The following EHMT2 variants were observed in gnomAD, a reference collection of about 807,000 sequenced individuals.
EHMT2 encodes the protein euchromatic histone lysine methyltransferase 2.
EHMT2 carries 59 observed loss-of-function variants against 143.3 expected under a neutral mutation model. The observed-to-expected ratio is 0.41, with a 90% CI of 0.33 to 0.51. The LOEUF is 0.51. Among genes scored for constraint, EHMT2 ranks in the 20% least tolerant of loss-of-function variants. The pLI is 0.18. For synonymous variants in EHMT2, 604 were observed against 651.5 expected, an observed-to-expected ratio of 0.93 and a Z score of 1.11; for missense variants, 1,174 against 1,645.9, an observed-to-expected ratio of 0.71 and a Z score of 4.96.
intron 17 of EHMT2, 31 bp from the exon 18 acceptor site, chr6:31,886,713 G>A (rs775502890): frequency 6.2e-7 from 1 of 1,613,930 alleles, no homozygotes; most frequent in East Asian, 2.2e-5. Context: ...TGAGCCTTTG[G>A]GCTGGCACCC....
rs1404618813 is a variant in EHMT2, at chr6:31,892,926, G to T, written c.583-16C>A. On this transcript the variant is annotated splice_polypyrimidine_tract_variant and intron_variant, in intron 4 of 27. Coordinates refer to ENST00000375537, the Ensembl canonical transcript of EHMT2. Reference sequence around the variant, plus strand: ...GGACCGGGGGCTGTGGGCCGAGAGGGAGCACACTGAGGGTCAGAGAGCACC... The same window carrying T: ...GGACCGGGGGCTGTGGGCCGAGAGGTAGCACACTGAGGGTCAGAGAGCACC... 1 of 1,542,066 alleles carries T rather than the reference G, an allele frequency of 6.5e-7. No individual in the cohort carries two copies. Among genetic ancestry groups the T allele is most frequent in the Non-Finnish European group, 8.8e-7 (1 of 1,141,710 alleles).
Position 31,888,273 on chromosome 6 carries a change from T to C in EHMT2, c.1513A>G (p.Thr505Ala). The C allele has an allele frequency of 1.2e-6, 2 of 1,612,744 alleles. No homozygotes were observed. Among genetic ancestry groups the C allele is most frequent in the Non-Finnish European group, 8.5e-7 (1 of 1,179,832 alleles). ...AAGTCAGGGTGGCACTCCAGGAAGG[T>C]GCCCTGGGAGCAGGGAAACGACATG... Residue 505 changes from threonine to alanine, a missense_variant, in exon 13 of 28, where the codon ACC (threonine) becomes GCC (alanine). By Grantham distance (58) the Thr-to-Ala change is moderately conservative (BLOSUM62 0). Coordinates refer to ENST00000375537, the Ensembl canonical transcript of EHMT2. This position sits in a 1 kb window ranked among gnomAD's most constrained non-coding sequence, Gnocchi z 7.4.
chr6:31,889,447 A>G lies in EHMT2; in HGVS notation c.999+21T>C, dbSNP rs774045955. ...CCCATAGTCTCCCACTCCTCTGGAGATATCAGCCTCCGTCTCTTACCCTAT... is the reference window on the plus strand; with the variant it reads ...CCCATAGTCTCCCACTCCTCTGGAGGTATCAGCCTCCGTCTCTTACCCTAT... On this transcript the variant is annotated intron_variant, in intron 8 of 27. Transcript: ENST00000375537. This position sits in a 1 kb window ranked among gnomAD's most constrained non-coding sequence, Gnocchi z 5.1. 5 of 1,611,704 alleles carry G rather than the reference A, an allele frequency of 3.1e-6. No homozygotes were observed. Among genetic ancestry groups the G allele is most frequent in the Middle Eastern group, 1.6e-4 (1 of 6,082 alleles).
At chr6:31,892,603 C>T (rs543452486) in intron 6 of EHMT2, 41 bp from the exon 7 acceptor site, 29 of 1,612,590 alleles carry the variant, frequency 1.8e-5, no homozygotes, top group South Asian at 5.5e-5. Context: ...TGACACCCTG[C>T]GCATTTCTAC....
chr6:31,896,282 G>A, exon 4 of EHMT2: 1 of 1,612,456 alleles, frequency 6.2e-7, no homozygotes, highest in Non-Finnish European at 8.5e-7. Flanking sequence ...TCCTGGTTTG[G>A]ACATGGTTTT....
In EHMT2 at chr6:31,892,724, T is replaced by C. The variant is rs1765862025; in HGVS notation, c.678A>G (p.Lys226=). The change falls in exon 6 of 28, where the codon AAA becomes AAG. Residue 226 remains lysine (K), a synonymous_variant. Transcript: ENST00000375537. Reference sequence around the variant, plus strand: ...CACCTCCTGAGTTCAGCTTCCTCCTTTTGGCCAGATCTGGAAGAAGAGAGA... The same window carrying C: ...CACCTCCTGAGTTCAGCTTCCTCCTCTTGGCCAGATCTGGAAGAAGAGAGA... 6.8e-6 allele frequency: 11 copies of C among 1,612,962 alleles called. 1 individual carries two copies. The highest frequency in any genetic ancestry group is 6.7e-5 in the African/African-American group (5 of 74,990).
intron 7 of EHMT2, among the ~76,000 whole-genome samples, chr6:31,891,731 A>G (rs1482074422): frequency 2.0e-5 from 3 of 152,262 alleles, no homozygotes; most frequent in Non-Finnish European, 4.4e-5. Flanking sequence ...AAATAAGCAA[A>G]TAAATGACAA....
rs1765288351 is a variant in EHMT2, at chr6:31,888,899, C to T, written c.1216+70G>A. 6.6e-7 allele frequency: 1 copy of T among 1,513,528 alleles called. No homozygotes were observed. Among genetic ancestry groups the T allele is most frequent in the Admixed American group, 2.1e-5 (1 of 48,758 alleles). 93.8% of individuals were successfully genotyped at this position (1,513,528 alleles called of 1,614,324 possible). On this transcript the variant is annotated intron_variant, in intron 10 of 27. Transcript: ENST00000375537. This position sits in a 1 kb window ranked among gnomAD's most constrained non-coding sequence, Gnocchi z 7.4. Reference sequence around the variant, plus strand: ...GACACCCCGGCTCTGGCGTGGTTCCCCTCCTTCCCTTTCCCTCCTGCCCTG... The same window carrying T: ...GACACCCCGGCTCTGGCGTGGTTCCTCTCCTTCCCTTTCCCTCCTGCCCTG...
chr6:31,888,125 A>G lies in EHMT2; in HGVS notation c.1661T>C (p.Val554Ala). 6.2e-7 allele frequency: 1 copy of G among 1,612,138 alleles called. No individual in the cohort carries two copies. Among genetic ancestry groups the G allele is most frequent in the Non-Finnish European group, 8.5e-7 (1 of 1,179,720 alleles). ...AGCTGCAGTGCCGGCCGGTGGGGTCACCCCGTCACCCCGGGGGATGGTCAC... is the reference window on the plus strand; with the variant it reads ...AGCTGCAGTGCCGGCCGGTGGGGTCGCCCCGTCACCCCGGGGGATGGTCAC... Residue 554 changes from valine (V) to alanine (A), a missense_variant, in exon 13 of 28, where the codon GTG becomes GCG. Transcript: ENST00000375537. This position sits in a 1 kb window ranked among gnomAD's most constrained non-coding sequence, Gnocchi z 7.4.
chr6:31,887,484 G>T, intron 15 of EHMT2, 93 bp downstream of exon 15: 1 of 1,131,410 alleles, frequency 8.8e-7, no homozygotes. Flanking sequence ...CAAGGACTGT[G>T]TCCTTCACGA....
At position 31,889,439 on chromosome 6, in the gene EHMT2, C is replaced by A. The variant is rs1420022215; in HGVS notation, c.999+29G>T. ...CCTCCAGCCCCATAGTCTCCCACTC[C>A]TCTGGAGATATCAGCCTCCGTCTCT... is the stretch of plus-strand genomic sequence containing the variant. On this transcript the variant is annotated intron_variant, in intron 8 of 27. Transcript: ENST00000375537. This position sits in a 1 kb window ranked among gnomAD's most constrained non-coding sequence, Gnocchi z 5.1. 6.2e-7 allele frequency: 1 copy of A among 1,611,762 alleles called. No individual in the cohort carries two copies. The highest frequency in any genetic ancestry group is 1.1e-5 in the South Asian group (1 of 90,886).
At chr6:31,882,912 A>G in exon 24 of EHMT2, 5 of 1,612,794 alleles carry the variant, frequency 3.1e-6, no homozygotes, top group Non-Finnish European at 4.2e-6. Context: ...ACTCTGTACG[A>G]CCCGGTTCTT....
At chr6:31,893,212 G>A (rs1765930118) in intron 4 of EHMT2, 1 of 530,838 alleles carries the variant, frequency 1.9e-6, no homozygotes, top group Admixed American at 3.2e-5. Context: ...CAGCAGGACT[G>A]TTTACAACAG....
chr6:31,884,071 G>C lies in EHMT2; in HGVS notation c.2772-121C>G. 1 of 1,115,228 alleles carries C rather than the reference G, an allele frequency of 9.0e-7. No homozygotes were observed. The highest frequency in any genetic ancestry group is 1.3e-6 in the Non-Finnish European group (1 of 796,830). 69.1% of individuals were successfully genotyped at this position (1,115,228 alleles called of 1,614,324 possible). A position where few individuals can be genotyped will look rare whatever the true frequency, so the allele number is the denominator to read the frequency against. ...GGGGGCAGGGGAGTAAGGTTGCCAGGTAAGATGCAGGACAGCGAGTTAACA... is the reference window on the plus strand; with the variant it reads ...GGGGGCAGGGGAGTAAGGTTGCCAGCTAAGATGCAGGACAGCGAGTTAACA... On this transcript the variant is annotated intron_variant, in intron 21 of 27. Coordinates refer to ENST00000375537, the Ensembl canonical transcript of EHMT2. This position sits in a 1 kb window ranked among gnomAD's most constrained non-coding sequence, Gnocchi z 7.3.
chr6:31,882,555 T>C (rs555007), intron 25 of EHMT2, 144 bp downstream of exon 25: 70,539 of 797,530 alleles, frequency 0.088, 4,339 homozygotes, highest in East Asian at 0.19. Flanking sequence ...GCTGCAGGAA[T>C]AGGGGTCAGA....
chr6:31,888,689 C>T lies in EHMT2; in HGVS notation c.1275G>A (p.Leu425=). ...TGGGTGCCTCCATGCGGCAGCTGCACAGGGGCAACTCCTCAAACCCTCGCT... is the reference window on the plus strand; with the variant it reads ...TGGGTGCCTCCATGCGGCAGCTGCATAGGGGCAACTCCTCAAACCCTCGCT... The change falls in exon 11 of 28, where the codon CTG becomes CTA. Residue 425 remains leucine, a synonymous_variant. Transcript: ENST00000375537. This position sits in a 1 kb window ranked among gnomAD's most constrained non-coding sequence, Gnocchi z 7.4. The T allele has an allele frequency of 6.2e-7, 1 of 1,613,842 alleles. No individual in the cohort carries two copies. Among genetic ancestry groups the T allele is most frequent in the Non-Finnish European group, 8.5e-7 (1 of 1,180,020 alleles).
At chr6:31,887,918 C>G (rs756063527) in exon 14 of EHMT2, 2 of 1,604,730 alleles carry the variant, frequency 1.2e-6, no homozygotes, top group Non-Finnish European at 1.7e-6. Flanking sequence ...GCCAGGGGAT[C>G]GCAGGGCGGG....
At chr6:31,892,488 C>T (rs764440826) in exon 7 of EHMT2, 6 of 1,612,972 alleles carry the variant, frequency 3.7e-6, no homozygotes, top group South Asian at 1.1e-5. Context: ...CCGTCTCCCA[C>T]TCCTCCAGGG....
exon 7 of EHMT2, chr6:31,892,480 G>A (rs913891526): frequency 4.3e-6 from 7 of 1,612,994 alleles, no homozygotes; most frequent in Admixed American, 1.7e-5. Context: ...ACCCACCACC[G>A]TCTCCCACTC....
Sources: gnomAD v4.1 joint callset for allele counts (sites outside exome capture counted in the v4.1 genomes callset) on GRCh38, gnomAD v4.1.1 for gene constraint, Gnocchi (gnomAD v3.1) non-coding constraint, MANE v1.5 for transcripts, NCBI Gene and HGNC (gene_info 2026-07-23, HGNC 2026-07-21) for gene names.